The following ZBTB20 variants were observed in gnomAD, a reference collection of about 807,000 sequenced individuals.
ZBTB20 encodes zinc finger and BTB domain-containing protein 20.
A neutral mutation model predicts 56.9 loss-of-function variants in ZBTB20; 9 were observed. The ratio of observed to expected loss-of-function variants is 0.16; its 90% CI spans 0.10 to 0.28. The LOEUF (loss-of-function observed/expected upper bound fraction) is 0.28. Ranked by LOEUF, ZBTB20 falls within the 10% of genes least tolerant of loss-of-function variation. ZBTB20 has a pLI of 1.00. For missense variants in ZBTB20, 655 were observed against 1,003.0 expected (o/e 0.65, Z 4.69); for synonymous variants, 417 against 420.7 (o/e 0.99, Z 0.11).
At position 115,035,764 on chromosome 3, in the gene ZBTB20, T is replaced by C. The variant is rs1270987387; in HGVS notation, c.-507+35455A>G. ...GAAGAGATATTTGTTAATATGTTCA[T>C]AGCAGCCATATTCACAACACCCATA... On this transcript the variant is annotated intron_variant, in intron 2 of 11. Coordinates refer to ENST00000675478, the MANE Select transcript of ZBTB20 (RefSeq NM_001348800.3). 3.9e-5 allele frequency among the ~76,000 whole-genome samples: 6 copies of C among 152,208 alleles called. 1 individual carries two copies. The highest frequency in any genetic ancestry group is 2.1e-4 in the South Asian group (1 of 4,834).
chr3:114,339,525 A>G lies in ZBTB20; in HGVS notation c.1805-99T>C. On this transcript the variant is annotated intron_variant, in intron 11 of 11. Coordinates refer to ENST00000675478, the MANE Select transcript of ZBTB20 (RefSeq NM_001348800.3). This position sits in a 1 kb window ranked among gnomAD's most constrained non-coding sequence, Gnocchi z 4.2. Reference sequence around the variant, plus strand: ...AAACAAGACAACAAAAAAGAAAAATAAAACAATTAAAAAATAAAATTTGAT... The same window carrying G: ...AAACAAGACAACAAAAAAGAAAAATGAAACAATTAAAAAATAAAATTTGAT... 7.6e-7 allele frequency: 1 copy of G among 1,313,376 alleles called. No homozygotes were observed. The highest frequency in any genetic ancestry group is 1.0e-6 in the Non-Finnish European group (1 of 983,592). 81.4% of individuals were successfully genotyped at this position (1,313,376 alleles called of 1,614,324 possible).
chr3:115,134,282 T>G (rs2084594074), intron 1 of ZBTB20, among the ~76,000 whole-genome samples: 1 of 152,220 alleles, frequency 6.6e-6, no homozygotes, highest in Non-Finnish European at 1.5e-5. Context: ...CTATGTAGAT[T>G]TTTTTAACCT....
At chr3:114,751,716 C>A (rs2067571144) in intron 5 of ZBTB20, among the ~76,000 whole-genome samples, 1 of 152,028 alleles carries the variant, frequency 6.6e-6, no homozygotes, top group Admixed American at 6.6e-5. Context: ...ATTGTTGCAA[C>A]AAAATATGTG....
intron 6 of ZBTB20, among the ~76,000 whole-genome samples, chr3:114,531,758 A>G (rs2047867109): frequency 6.6e-6 from 1 of 152,204 alleles, no homozygotes; most frequent in African/African-American, 2.4e-5. Context: ...TCCAGAAGGC[A>G]GGTGATTTCT....
At chr3:114,972,737 AT>A (rs2108040793) in intron 3 of ZBTB20, among the ~76,000 whole-genome samples, 1 of 152,268 alleles carries the variant, frequency 6.6e-6, no homozygotes, top group South Asian at 2.1e-4. Context: ...CTCTCAGATA[AT>A]TTTAAATATA....
chr3:114,789,615 T>G (rs949042571), intron 5 of ZBTB20, among the ~76,000 whole-genome samples: 2 of 151,948 alleles, frequency 1.3e-5, no homozygotes, highest in African/African-American at 4.8e-5. Flanking sequence ...CATACTGAGA[T>G]GAAGGGAAGA....
At chr3:114,739,616 T>TATGA (rs2066433302) in intron 5 of ZBTB20, among the ~76,000 whole-genome samples, 1 of 152,248 alleles carries the variant, frequency 6.6e-6, no homozygotes, top group Non-Finnish European at 1.5e-5. Flanking sequence ...GCTTGAGCAT[T>TATGA]ATGAAGGCTG....
At chr3:114,604,669 A>G (rs1304807610) in intron 6 of ZBTB20, among the ~76,000 whole-genome samples, 1 of 151,994 alleles carries the variant, frequency 6.6e-6, no homozygotes, top group Non-Finnish European at 1.5e-5. Flanking sequence ...TATCTGGGTA[A>G]ACGTGGTAAA....
intron 2 of ZBTB20, among the ~76,000 whole-genome samples, chr3:115,011,069 G>A (rs1489273405): frequency 6.6e-6 from 1 of 151,808 alleles, no homozygotes; most frequent in East Asian, 1.9e-4. Context: ...AAGAATCAGT[G>A]AGCTTGAAGA....
At chr3:114,842,425 A>C (rs180873118) in intron 4 of ZBTB20, among the ~76,000 whole-genome samples, 1,803 of 152,176 alleles carry the variant, frequency 0.012, 17 homozygotes, top group South Asian at 0.042. Flanking sequence ...TTCTTTAAAA[A>C]CTTTTGTTCA....
intron 4 of ZBTB20, among the ~76,000 whole-genome samples, chr3:114,826,948 C>T (rs546652203): frequency 1.3e-4 from 20 of 151,540 alleles, no homozygotes; most frequent in African/African-American, 4.6e-4. Context: ...ATGTTGTAGC[C>T]CTGATGCTAT....
chr3:115,054,447 T>C (rs563920516), intron 2 of ZBTB20, among the ~76,000 whole-genome samples: 2 of 152,154 alleles, frequency 1.3e-5, no homozygotes, highest in Non-Finnish European at 2.9e-5. Flanking sequence ...AGAGAGATTG[T>C]ATGAATTATC....
chr3:114,615,021 T>C lies in ZBTB20; in HGVS notation c.-295+78507A>G, dbSNP rs1395340218. On this transcript the variant is annotated intron_variant, in intron 6 of 11. Transcript: ENST00000675478. ...GATCTGCCTGCCTCGCCTCCCAAAG[T>C]GCCCAAAGTGCTTGGGATTACAGGC... is the stretch of plus-strand genomic sequence containing the variant. 3.9e-5 allele frequency among the ~76,000 whole-genome samples: 6 copies of C among 152,144 alleles called. No homozygotes were observed. In the East Asian group the frequency reaches 1.2e-3, roughly 29 times the overall value.
intron 6 of ZBTB20, among the ~76,000 whole-genome samples, chr3:114,600,322 T>G (rs868394338): frequency 1.2e-4 from 19 of 152,136 alleles, no homozygotes; most frequent in African/African-American, 4.6e-4. Flanking sequence ...CTGGGAGCAC[T>G]CTGTGGGTTG....
intron 5 of ZBTB20, among the ~76,000 whole-genome samples, chr3:114,715,894 G>A (rs934789014): frequency 6.6e-6 from 1 of 152,196 alleles, no homozygotes; most frequent in Admixed American, 6.5e-5. Context: ...CCATTTTACA[G>A]ACTGACAAAT....
intron 11 of ZBTB20, among the ~76,000 whole-genome samples, chr3:114,349,625 G>A (rs2080477248): frequency 1.3e-5 from 2 of 152,184 alleles, no homozygotes; most frequent in Non-Finnish European, 2.9e-5. Flanking sequence ...AGGATCTCCT[G>A]ATAGCATCCA....
chr3:114,654,458 T>C (rs758845643), intron 6 of ZBTB20, among the ~76,000 whole-genome samples: 2 of 151,236 alleles, frequency 1.3e-5, no homozygotes, highest in Non-Finnish European at 3.0e-5. Context: ...ATTTCTAATT[T>C]AATTAATTAT....
chr3:114,723,644 T>G (rs2065066846), intron 5 of ZBTB20, among the ~76,000 whole-genome samples: 1 of 152,130 alleles, frequency 6.6e-6, no homozygotes, highest in Non-Finnish European at 1.5e-5. Context: ...GACACAAGAT[T>G]TTATATATTC....
At chr3:114,875,471 A>G (rs913369595) in intron 4 of ZBTB20, among the ~76,000 whole-genome samples, 2 of 152,164 alleles carry the variant, frequency 1.3e-5, no homozygotes, top group African/African-American at 4.8e-5. Flanking sequence ...TTACCCATAC[A>G]CATCTCCCTC....
Sources: allele counts gnomAD v4.1 joint callset (sites outside exome capture counted in the v4.1 genomes callset), GRCh38; gene constraint gnomAD v4.1.1; non-coding constraint Gnocchi (gnomAD v3.1); transcripts MANE v1.5; gene names NCBI Gene and HGNC (gene_info 2026-07-23, HGNC 2026-07-21).